The following SORBS2 variants were observed in gnomAD, a reference collection of about 807,000 sequenced individuals.
SORBS2 encodes the protein sorbin and SH3 domain containing 2.
Under a neutral mutation model 97.7 loss-of-function variants are expected in SORBS2, and 46 were observed. The ratio of observed to expected loss-of-function variants is 0.47; its 90% CI spans 0.37 to 0.60. The LOEUF (loss-of-function observed/expected upper bound fraction) is 0.60, where lower values mean the gene tolerates loss of function less well. Among genes scored for constraint, SORBS2 ranks in the 20% least tolerant of loss-of-function variants. The pLI, the probability that SORBS2 is intolerant of heterozygous loss-of-function variation, is 0.00. For missense variants in SORBS2, 1,316 were observed against 1,282.3 expected (o/e 1.03, Z -0.40); for synonymous variants, 476 against 473.4 (o/e 1.01, Z -0.07).
intron 4 of SORBS2, among the ~76,000 whole-genome samples, chr4:185,631,064 G>A (rs1158956226): frequency 2.0e-5 from 3 of 152,126 alleles, no homozygotes; most frequent in Non-Finnish European, 4.4e-5. Context: ...TTGTTACCAA[G>A]TATTGTCTTC....
chr4:185,745,449 G>C (rs1437208529), intron 2 of SORBS2, among the ~76,000 whole-genome samples: 4 of 152,174 alleles, frequency 2.6e-5, no homozygotes. Context: ...TCATGGTCCA[G>C]ACTTATGCTC....
At chr4:185,761,404 A>G (rs2098889893) in intron 2 of SORBS2, 1 of 152,256 alleles carries the variant, frequency 6.6e-6, no homozygotes, top group Non-Finnish European at 1.5e-5. Context: ...TAATGTATAT[A>G]TGCTACTATA....
intron 1 of SORBS2, among the ~76,000 whole-genome samples, chr4:185,792,217 C>T (rs12504370): frequency 0.17 from 26,163 of 152,050 alleles, 2,548 homozygotes; most frequent in East Asian, 0.44. Context: ...AAATATGGGA[C>T]GGCGTGGTGG....
At chr4:185,800,313 T>C (rs2099124036) in intron 1 of SORBS2, among the ~76,000 whole-genome samples, 1 of 152,198 alleles carries the variant, frequency 6.6e-6, no homozygotes, top group Non-Finnish European at 1.5e-5. Flanking sequence ...ACTTTCTAAG[T>C]CATAGAGATT....
rs1225931522 is a variant in SORBS2 at position 185,623,774 on chromosome 4, C to A, written c.1355G>T (p.Arg452Leu). 1 of 1,614,054 alleles carries A rather than the reference C, an allele frequency of 6.2e-7. No homozygotes were observed. Residue 452 changes from arginine to leucine, a missense_variant, in exon 7 of 15, where the codon CGG (arginine) becomes CTG (leucine). Transcript: ENST00000418609. The surrounding 1 kb of genome is among the most constrained non-coding windows in gnomAD (Gnocchi z 6.4). ...CTCCAGCAAATACTCAATGGAAAAC[C>A]GCCTCTTGGGACATAGGCCATTTTG...
chr4:185,681,520 ACTAGGGGCCAGAGTCCTTAATTT>A (rs559057408), intron 2 of SORBS2, among the ~76,000 whole-genome samples: 181 of 152,220 alleles, frequency 1.2e-3, no homozygotes, highest in Non-Finnish European at 1.9e-3. Context: ...CAAAGCTAGG[ACTAGGGGCCAGAGTCCTTAATTT>A]CTAGTGTTCT....
At chr4:185,853,442 C>T (rs1178138911) in intron 1 of SORBS2, among the ~76,000 whole-genome samples, 1 of 152,066 alleles carries the variant, frequency 6.6e-6, no homozygotes, top group Non-Finnish European at 1.5e-5. Flanking sequence ...CAAATGCACC[C>T]CAAGAAATGT....
chr4:185,879,415 A>G (rs567141786), intron 1 of SORBS2, among the ~76,000 whole-genome samples: 9,737 of 151,998 alleles, frequency 0.064, 420 homozygotes, highest in African/African-American at 0.12. Context: ...AATCCAGTCT[A>G]TCATTGATGG....
rs6827632 is a variant in SORBS2 at position 185,730,285 on chromosome 4, T to G, written c.-198+44942A>C. Among the ~76,000 whole-genome samples, 177 of 52,518 alleles carry G rather than the reference T, an allele frequency of 3.4e-3. 4 individuals are homozygous for G. The East Asian group carries it at 0.067, about 20-fold the overall frequency. The allele number at this position is 52,518 out of a possible 152,430, so 34.5% of individuals were successfully genotyped here. ...ACCAGGAAAGTGTAATTCTAATTTT[T>G]TTTTTTTAAAGGTCAATATACTTTC... is the stretch of plus-strand genomic sequence containing the variant. On this transcript the variant is annotated intron_variant, in intron 2 of 20. Coordinates refer to the SORBS2 transcript ENST00000284776.
chr4:185,747,915 C>T (rs1256030050), intron 2 of SORBS2, among the ~76,000 whole-genome samples: 1 of 151,990 alleles, frequency 6.6e-6, no homozygotes, highest in Non-Finnish European at 1.5e-5. Flanking sequence ...CACTTGAACC[C>T]AGGAGGCGGA....
In SORBS2 at chr4:185,868,155, C is replaced by CTTTTTTTTTTTTTTTTTTTTTTT. The variant is rs1431293135; in HGVS notation, c.-338+88040_-338+88041insAAAAAAAAAAAAAAAAAAAAAAA. Among the ~76,000 whole-genome samples the CTTTTTTTTTTTTTTTTTTTTTTT allele has an allele frequency of 1.7e-3, 174 of 100,696 alleles. 19 individuals carry two copies. Among genetic ancestry groups the CTTTTTTTTTTTTTTTTTTTTTTT allele is most frequent in the Non-Finnish European group, 2.7e-3 (146 of 53,256 alleles). The allele number at this position is 100,696 out of a possible 152,430, so 66.1% of individuals were successfully genotyped here. ...CCTTTCTCTTTTCTTTTCTTTTTTT[C>CTTTTTTTTTTTTTTTTTTTTTTT]TTTCTTTTTTTTTTTTTTTGAGGCA... is the stretch of plus-strand genomic sequence containing the variant. On this transcript the variant is annotated intron_variant, in intron 1 of 20. Coordinates refer to the SORBS2 transcript ENST00000284776.
At position 185,866,837 on chromosome 4, in the gene SORBS2, A is replaced by T. The variant is rs554176429; in HGVS notation, c.-338+89359T>A. 2.2e-3 allele frequency among the ~76,000 whole-genome samples: 340 copies of T among 152,240 alleles called. 1 individual carries two copies. The highest frequency in any genetic ancestry group is 4.1e-3 in the Non-Finnish European group (276 of 68,020). On this transcript the variant is annotated intron_variant, in intron 1 of 20. Transcript: ENST00000284776. ...CAATAAATGTACATTTCTTAATACA[A>T]ATTGCTTGTTTCAGTGTGCATTCTA...
intron 2 of SORBS2, among the ~76,000 whole-genome samples, chr4:185,733,277 G>T (rs1489810931): frequency 6.6e-6 from 1 of 152,216 alleles, no homozygotes. Context: ...ATAGATTTGG[G>T]TAAGTTTCTC....
chr4:185,824,330 G>A (rs2099198563), intron 1 of SORBS2, among the ~76,000 whole-genome samples: 1 of 152,146 alleles, frequency 6.6e-6, no homozygotes, highest in Non-Finnish European at 1.5e-5. Flanking sequence ...GTGTGTGTCT[G>A]TGTACAGATT....
chr4:185,927,242 A>AC (rs2099264155), intron 1 of SORBS2, among the ~76,000 whole-genome samples: 2 of 150,904 alleles, frequency 1.3e-5, no homozygotes, highest in African/African-American at 4.9e-5. Flanking sequence ...TTCCTAACTT[A>AC]TAAAAAAATT....
chr4:185,677,584 G>T, intron 4 of SORBS2: 1 of 1,539,474 alleles, frequency 6.5e-7, no homozygotes, highest in South Asian at 1.2e-5. Flanking sequence ...CCCTTTGTGT[G>T]ACTGGTTATC....
At position 185,849,961 on chromosome 4, in the gene SORBS2, G is replaced by A. The variant is rs547684900; in HGVS notation, c.-337-74595C>T. Among the ~76,000 whole-genome samples the A allele has an allele frequency of 3.9e-5, 6 of 152,262 alleles. No homozygotes were observed. In the South Asian group the frequency reaches 8.3e-4, roughly 21 times the overall value. On this transcript the variant is annotated intron_variant, in intron 1 of 20. Transcript: ENST00000284776. Reference sequence around the variant, plus strand: ...GAGGAGACAAGCTGCTTGCAATGGCGTAAGGATTTCTACGTTGCGTTTTGA... The same window carrying A: ...GAGGAGACAAGCTGCTTGCAATGGCATAAGGATTTCTACGTTGCGTTTTGA...
At chr4:185,904,400 C>T (rs1015354374) in intron 1 of SORBS2, among the ~76,000 whole-genome samples, 10 of 152,152 alleles carry the variant, frequency 6.6e-5, no homozygotes, top group Non-Finnish European at 1.2e-4. Flanking sequence ...GAAAGCTGGA[C>T]AGAAGAATCA....
At position 185,597,798 on chromosome 4, in the gene SORBS2, C is replaced by T. The variant is rs529475975; in HGVS notation, c.2797-3863G>A. On this transcript the variant is annotated intron_variant, in intron 12 of 14. Coordinates refer to ENST00000418609, the Ensembl canonical transcript of SORBS2. ...GTCGCCACCTAGTGGTGAGCAATGG[C>T]AGCAACAAGCTGAGAGTTGTTTCTG... is the stretch of plus-strand genomic sequence containing the variant. Among the ~76,000 whole-genome samples the T allele has an allele frequency of 2.6e-5, 4 of 152,188 alleles. No homozygotes were observed. In the South Asian group the frequency reaches 8.3e-4, roughly 31 times the overall value.
Sources: allele counts gnomAD v4.1 joint callset (sites outside exome capture counted in the v4.1 genomes callset), GRCh38; gene constraint gnomAD v4.1.1; non-coding constraint Gnocchi (gnomAD v3.1); transcripts MANE v1.5; gene names NCBI Gene and HGNC (gene_info 2026-07-23, HGNC 2026-07-21).